Variants in DNAH14 observed in about 807,000 individuals in gnomAD.
DNAH14 encodes the protein axonemal beta dynein heavy chain 14.
Under a neutral mutation model 520.9 loss-of-function variants are expected in DNAH14, and 478 were observed. That is an observed-to-expected ratio of 0.92 (90% CI 0.85 to 0.99). The LOEUF (loss-of-function observed/expected upper bound fraction) is 0.99. Among genes scored for constraint, DNAH14 ranks in the 50% least tolerant of loss-of-function variants. The pLI is 0.00. For missense variants in DNAH14, 4,831 were observed against 5,234.5 expected (o/e 0.92, Z 2.38); for synonymous variants, 1,581 against 1,757.2 (o/e 0.90, Z 2.51).
At chr1:225,059,229 AT>A (rs2069623890) in intron 17 of DNAH14, among the ~76,000 whole-genome samples, 1 of 152,156 alleles carries the variant, frequency 6.6e-6, no homozygotes, top group African/African-American at 2.4e-5. Flanking sequence ...CTGCATAGAT[AT>A]TTAGGATAGT....
At chr1:225,106,047 T>A (rs2076018281) in intron 23 of DNAH14, among the ~76,000 whole-genome samples, 1 of 140,424 alleles carries the variant, frequency 7.1e-6, no homozygotes, top group Admixed American at 6.9e-5. Context: ...GTTTAGTGCT[T>A]CCTTCAGGAG....
intron 56 of DNAH14, among the ~76,000 whole-genome samples, chr1:225,301,361 T>C (rs2094135971): frequency 6.6e-6 from 1 of 152,180 alleles, no homozygotes; most frequent in African/African-American, 2.4e-5. Context: ...TAGATAATGA[T>C]GTTCTTATTT....
intron 8 of DNAH14, among the ~76,000 whole-genome samples, chr1:224,991,084 C>CATT (rs1558617220): frequency 5.1e-5 from 4 of 77,900 alleles, no homozygotes; most frequent in African/African-American, 8.6e-5. Flanking sequence ...TGATGTTGAG[C>CATT]TTTTTTTTTT....
intron 41 of DNAH14, among the ~76,000 whole-genome samples, chr1:225,214,324 G>C (rs998059643): frequency 2.0e-5 from 3 of 152,092 alleles, no homozygotes; most frequent in African/African-American, 7.2e-5. Flanking sequence ...ATTTTATTGA[G>C]GATTTTTGCA....
chr1:225,378,889 A>AAG (rs2095742068), intron 79 of DNAH14, among the ~76,000 whole-genome samples: 1 of 151,252 alleles, frequency 6.6e-6, no homozygotes, highest in South Asian at 2.1e-4. Context: ...CAAAAAAAAA[A>AAG]AAAGAAAAGA....
At chr1:225,161,391 C>T (rs547488680) in intron 35 of DNAH14, among the ~76,000 whole-genome samples, 1 of 152,260 alleles carries the variant, frequency 6.6e-6, no homozygotes, top group South Asian at 2.1e-4. Flanking sequence ...TGTGTAAGTA[C>T]CACATTTTCT....
chr1:225,141,672 A>G (rs2079477192), intron 28 of DNAH14, among the ~76,000 whole-genome samples: 1 of 152,076 alleles, frequency 6.6e-6, no homozygotes, highest in Admixed American at 6.5e-5. Context: ...AGAGGGCAGT[A>G]TCTTTCCATG....
intron 64 of DNAH14, among the ~76,000 whole-genome samples, chr1:225,327,473 C>T (rs1432225998): frequency 2.6e-5 from 4 of 152,066 alleles, no homozygotes; most frequent in Non-Finnish European, 4.4e-5. Flanking sequence ...CTAACTCATT[C>T]TTAAACAGCC....
intron 17 of DNAH14, among the ~76,000 whole-genome samples, chr1:225,055,154 A>G (rs1368959877): frequency 6.6e-6 from 1 of 152,080 alleles, no homozygotes; most frequent in Non-Finnish European, 1.5e-5. Flanking sequence ...TTTATCTGCT[A>G]TTAAGAGGAA....
At chr1:225,140,394 A>C (rs773522241) in intron 27 of DNAH14, among the ~76,000 whole-genome samples, 2 of 152,170 alleles carry the variant, frequency 1.3e-5, no homozygotes, top group Non-Finnish European at 2.9e-5. Flanking sequence ...GAAAACTATG[A>C]CTACATACTC....
At chr1:225,013,895 T>C (rs970553216) in intron 10 of DNAH14, among the ~76,000 whole-genome samples, 2 of 152,102 alleles carry the variant, frequency 1.3e-5, no homozygotes, top group African/African-American at 4.8e-5. Context: ...CTGGGCTCCT[T>C]GGGGGTGGGA....
intron 79 of DNAH14, among the ~76,000 whole-genome samples, chr1:225,377,791 C>G (rs2095721233): frequency 6.6e-6 from 1 of 151,388 alleles, no homozygotes; most frequent in Non-Finnish European, 1.5e-5. Flanking sequence ...ATTTGTACGT[C>G]TAACAAATTT....
At chr1:224,994,104 G>A (rs890664188) in intron 8 of DNAH14, among the ~76,000 whole-genome samples, 4 of 152,130 alleles carry the variant, frequency 2.6e-5, no homozygotes, top group Non-Finnish European at 5.9e-5. Flanking sequence ...CCTAACATGT[G>A]ATCTCTCCTG....
chr1:225,310,962 C>T (rs1338938207), intron 60 of DNAH14, among the ~76,000 whole-genome samples: 1 of 152,166 alleles, frequency 6.6e-6, no homozygotes, highest in Non-Finnish European at 1.5e-5. Flanking sequence ...GGTATATACT[C>T]AGTAATGGGA....
Position 225,023,679 on chromosome 1 carries a change from A to G in DNAH14, c.1172A>G (p.His391Arg). Residue 391 changes from histidine (H) to arginine (R), a missense_variant, in exon 11 of 86, where the codon CAT (histidine) becomes CGT (arginine). His to Arg is a conservative substitution (Grantham distance 29). Transcript: ENST00000682510. ...AAACTCTCTGAAGATGACACAACAC[A>G]TTTCAAGCTGCCTAAATATAGACGT... ...ESKLSEDDTT[H>R]FKLPKYRRLL... 1 of 1,550,700 alleles carries G rather than the reference A, an allele frequency of 6.4e-7. No homozygotes were observed. The highest frequency in any genetic ancestry group is 8.7e-7 in the Non-Finnish European group (1 of 1,146,430).
intron 17 of DNAH14, among the ~76,000 whole-genome samples, chr1:225,061,871 G>C (rs553903980): frequency 3.3e-5 from 5 of 152,264 alleles, no homozygotes; most frequent in South Asian, 2.1e-4. Context: ...ATATAGACAG[G>C]AATGAGAATG....
intron 54 of DNAH14, among the ~76,000 whole-genome samples, chr1:225,287,318 G>A (rs778096343): frequency 6.6e-6 from 1 of 152,122 alleles, no homozygotes; most frequent in Non-Finnish European, 1.5e-5. Flanking sequence ...TCACTGAAGA[G>A]GATTAGGGGA....
intron 41 of DNAH14, among the ~76,000 whole-genome samples, chr1:225,227,898 C>A (rs1368304698): frequency 2.0e-5 from 3 of 152,124 alleles, no homozygotes; most frequent in Admixed American, 6.6e-5. Flanking sequence ...CTAATATTTC[C>A]ATTACACCCC....
chr1:224,966,125 A>G (rs1298682949), intron 5 of DNAH14, among the ~76,000 whole-genome samples: 3 of 152,168 alleles, frequency 2.0e-5, no homozygotes, highest in African/African-American at 7.2e-5. Context: ...GTCATACATT[A>G]TACAAGTCAT....
Sources: allele counts gnomAD v4.1 joint callset (sites outside exome capture counted in the v4.1 genomes callset), GRCh38; gene constraint gnomAD v4.1.1; transcripts MANE v1.5; gene names NCBI Gene and HGNC (gene_info 2026-07-23, HGNC 2026-07-21).